Variants in TWSG1 observed in about 807,000 individuals in gnomAD.
TWSG1 encodes twisted gastrulation protein homolog 1.
In TWSG1, 15 loss-of-function variants were observed where a neutral mutation model predicts 23.0. The observed-to-expected ratio is 0.65, with a 90% confidence interval of 0.44 to 1.00. TWSG1 has a LOEUF of 1.00. Among genes scored for constraint, TWSG1 ranks in the 50% least tolerant of loss-of-function variants. The pLI is 0.00. For missense variants in TWSG1, 242 were observed against 278.7 expected (o/e 0.87, Z 0.94); for synonymous variants, 86 against 92.8 (o/e 0.93, Z 0.42).
At position 9,362,607 on chromosome 18, in the gene TWSG1, GTGTT is replaced by G. The variant is rs370127078; in HGVS notation, c.223+2540_223+2543del. Among the ~76,000 whole-genome samples the G allele has an allele frequency of 1.9e-3, 286 of 152,322 alleles. 3 individuals are homozygous for G. The highest frequency in any genetic ancestry group is 6.5e-3 in the African/African-American group (272 of 41,566). ...ATAATGTGTATGTATGTGTGTGAGA[GTGTT>G]TGTGCGAGTGTATGAATGTGAGTGT... On this transcript the variant is annotated intron_variant, in intron 3 of 4. Transcript: ENST00000262120.
chr18:9,349,544 A>C (rs1360482195), intron 2 of TWSG1, among the ~76,000 whole-genome samples: 1 of 152,194 alleles, frequency 6.6e-6, no homozygotes, highest in African/African-American at 2.4e-5. Context: ...ATTTTAAAAT[A>C]GTTTACTTCT....
intron 3 of TWSG1, among the ~76,000 whole-genome samples, chr18:9,388,726 T>C (rs2040697290): frequency 6.6e-6 from 1 of 152,206 alleles, no homozygotes; most frequent in African/African-American, 2.4e-5. Context: ...ATTTATTTAT[T>C]TGTTTGTTTT....
chr18:9,366,109 A>G (rs774611715), intron 3 of TWSG1, among the ~76,000 whole-genome samples: 38 of 152,250 alleles, frequency 2.5e-4, no homozygotes, highest in Admixed American at 3.9e-4. Flanking sequence ...GTGGAACACT[A>G]TAATTCAGTG....
At chr18:9,363,220 T>A (rs1240793697) in intron 3 of TWSG1, among the ~76,000 whole-genome samples, 3 of 152,202 alleles carry the variant, frequency 2.0e-5, no homozygotes, top group Non-Finnish European at 4.4e-5. Flanking sequence ...TGATTTTTTC[T>A]TAAGGTAAGA....
At chr18:9,376,298 A>G (rs1403413740) in intron 3 of TWSG1, among the ~76,000 whole-genome samples, 1 of 152,232 alleles carries the variant, frequency 6.6e-6, no homozygotes, top group Non-Finnish European at 1.5e-5. Context: ...TCTAAAGTTT[A>G]TATGGAAAGG....
At chr18:9,340,101 G>T (rs952870271) in intron 2 of TWSG1, among the ~76,000 whole-genome samples, 4 of 151,974 alleles carry the variant, frequency 2.6e-5, no homozygotes, top group African/African-American at 7.2e-5. Flanking sequence ...GGGCGCGGTG[G>T]CTCAAGCCTG....
intron 3 of TWSG1, among the ~76,000 whole-genome samples, chr18:9,365,371 T>C (rs1331660540): frequency 2.0e-5 from 3 of 152,058 alleles, no homozygotes; most frequent in Non-Finnish European, 4.4e-5. Flanking sequence ...CTATGGGAAA[T>C]GTTAAATTAG....
intron 3 of TWSG1, among the ~76,000 whole-genome samples, chr18:9,394,842 A>T (rs191276717): frequency 3.0e-4 from 45 of 152,260 alleles, no homozygotes; most frequent in Middle Eastern, 3.4e-3. Context: ...AGCTTTACAA[A>T]CAATGTCCCA....
At chr18:9,338,251 G>A (rs897337177) in intron 2 of TWSG1, among the ~76,000 whole-genome samples, 5 of 152,110 alleles carry the variant, frequency 3.3e-5, no homozygotes, top group East Asian at 1.9e-4. Flanking sequence ...GGTCCTTCTC[G>A]CTAATAGTTG....
chr18:9,396,182 T>G, intron 3 of TWSG1, 98 bp from the exon 4 acceptor site: 1 of 651,096 alleles, frequency 1.5e-6, no homozygotes, highest in Non-Finnish European at 2.5e-6. Context: ...TAGGAAAATA[T>G]CCATGTGTAA....
intron 2 of TWSG1, among the ~76,000 whole-genome samples, chr18:9,352,228 T>C (rs888149863): frequency 2.0e-5 from 3 of 152,214 alleles, no homozygotes; most frequent in African/African-American, 7.2e-5. Context: ...TATAATGCTT[T>C]GAGATTCATC....
At chr18:9,369,935 TCC>T (rs1311850489) in intron 3 of TWSG1, among the ~76,000 whole-genome samples, 2 of 152,222 alleles carry the variant, frequency 1.3e-5, no homozygotes, top group African/African-American at 4.8e-5. Flanking sequence ...ATTGATTGTT[TCC>T]TTGACTGTGC....
intron 3 of TWSG1, among the ~76,000 whole-genome samples, chr18:9,395,005 A>G (rs1350688463): frequency 6.6e-6 from 1 of 152,168 alleles, no homozygotes; most frequent in South Asian, 2.1e-4. Flanking sequence ...TCCCAGTGGT[A>G]CCTCTTCTTT....
chr18:9,344,491 A>ATATGTG (rs1555650749), intron 2 of TWSG1, among the ~76,000 whole-genome samples: 1 of 136,766 alleles, frequency 7.3e-6, no homozygotes, highest in African/African-American at 2.8e-5. Flanking sequence ...TAGTGAATGC[A>ATATGTG]TGTGTGTGTG....
chr18:9,355,245 C>T (rs1332893650), intron 2 of TWSG1, among the ~76,000 whole-genome samples: 1 of 152,182 alleles, frequency 6.6e-6, no homozygotes, highest in East Asian at 1.9e-4. Context: ...CGTGAGCCAC[C>T]ACACCCGGCC....
intron 4 of TWSG1, chr18:9,396,786 C>T (rs1029618178): frequency 2.9e-5 from 17 of 577,854 alleles, no homozygotes; most frequent in Non-Finnish European, 4.7e-5. Flanking sequence ...GTCGGCTGGG[C>T]GTGGTGGCTC....
intron 2 of TWSG1, among the ~76,000 whole-genome samples, chr18:9,341,298 G>C (rs1225300652): frequency 6.6e-6 from 1 of 152,108 alleles, no homozygotes; most frequent in East Asian, 1.9e-4. Flanking sequence ...TTTTCTTCTA[G>C]TTCTAGGCAG....
At chr18:9,398,608 C>A (rs1261375049) in intron 4 of TWSG1, among the ~76,000 whole-genome samples, 2 of 151,996 alleles carry the variant, frequency 1.3e-5, no homozygotes, top group Non-Finnish European at 2.9e-5. Context: ...CAGGTACCCA[C>A]CACCATGCCC....
At chr18:9,340,090 C>T (rs1057372767) in intron 2 of TWSG1, among the ~76,000 whole-genome samples, 6 of 151,844 alleles carry the variant, frequency 4.0e-5, no homozygotes, top group African/African-American at 1.2e-4. Flanking sequence ...AGGGCTGGGC[C>T]GGGCGCGGTG....
Sources: gnomAD v4.1 joint callset for allele counts (sites outside exome capture counted in the v4.1 genomes callset) on GRCh38, gnomAD v4.1.1 for gene constraint, MANE v1.5 for transcripts, NCBI Gene and HGNC (gene_info 2026-07-23, HGNC 2026-07-21) for gene names.